CAPS2: variants seen among roughly 807,000 people sequenced by gnomAD.
The protein encoded by CAPS2 is calcyphosine 2.
In CAPS2, 98 loss-of-function variants were observed where a neutral mutation model predicts 86.5. The observed-to-expected ratio is 1.13, with a 90% CI of 0.96 to 1.34. The LOEUF (loss-of-function observed/expected upper bound fraction) is 1.34. CAPS2 is among the 40% of genes most tolerant of loss of function. CAPS2 has a pLI of 0.00. For synonymous variants in CAPS2, 210 were observed against 225.1 expected (o/e 0.93, Z 0.60); for missense variants, 729 against 686.8 (o/e 1.06, Z -0.69).
intron 1 of CAPS2, among the ~76,000 whole-genome samples, chr12:75,377,102 A>G (rs937574331): frequency 5.9e-5 from 9 of 152,330 alleles, no homozygotes; most frequent in Middle Eastern, 6.8e-3. Flanking sequence ...TTTATTTTGC[A>G]TAACTCTTTA....
exon 13 of CAPS2, chr12:75,291,820 T>G (rs1195440885): frequency 6.6e-7 from 1 of 1,517,702 alleles, no homozygotes. Context: ...TAGAAGCAGT[T>G]CTGCAATTGA....
chr12:75,299,305 A>G (rs1284081447), intron 9 of CAPS2, among the ~76,000 whole-genome samples: 1 of 152,216 alleles, frequency 6.6e-6, no homozygotes, highest in East Asian at 1.9e-4. Flanking sequence ...CAAATTTATT[A>G]TCTTTTATTG....
At chr12:75,300,503 C>G (rs1469316147) in intron 8 of CAPS2, among the ~76,000 whole-genome samples, 1 of 140,658 alleles carries the variant, frequency 7.1e-6, no homozygotes, top group Admixed American at 7.9e-5. Context: ...TTGCAGTGAG[C>G]CGAGATCGCG....
intron 1 of CAPS2, among the ~76,000 whole-genome samples, chr12:75,384,534 C>T (rs1238519651): frequency 1.3e-5 from 2 of 152,038 alleles, no homozygotes; most frequent in Non-Finnish European, 1.5e-5. Flanking sequence ...ACAGAAAGCA[C>T]CAGGCCCAGA....
chr12:75,351,244 T>A (rs563034281), intron 1 of CAPS2, among the ~76,000 whole-genome samples: 1 of 152,294 alleles, frequency 6.6e-6, no homozygotes, highest in Non-Finnish European at 1.5e-5. Flanking sequence ...GAGAAAGAAC[T>A]GAGTTGGAAA....
chr12:75,348,899 C>G (rs537262298), intron 1 of CAPS2, among the ~76,000 whole-genome samples: 1 of 152,084 alleles, frequency 6.6e-6, no homozygotes, highest in African/African-American at 2.4e-5. Flanking sequence ...AAAAAGTTAG[C>G]CCTATAATTC....
intron 1 of CAPS2, among the ~76,000 whole-genome samples, chr12:75,340,844 C>T (rs960425655): frequency 2.6e-5 from 4 of 151,162 alleles, no homozygotes; most frequent in African/African-American, 9.7e-5. Flanking sequence ...ACATCATTAG[C>T]CATTAGTGAA....
rs1440438998 is a variant in CAPS2 at position 75,366,769 on chromosome 12, ATG to A, written c.-395+24067_-395+24068del. ...ACCAATGAGTCATTTCCACGCTCTT[ATG>A]TGTCTCAGTTTCTCTCTTCAGAGGT... On this transcript the variant is annotated intron_variant, in intron 1 of 5. Transcript: ENST00000551829. The A allele has an allele frequency of 4.5e-6, 3 of 663,772 alleles. No homozygotes were observed. The African/African-American group carries it at 5.4e-5, about 12-fold the overall frequency. The allele number at this position is 663,772 out of a possible 1,614,324, so 41.1% of individuals were successfully genotyped here.
chr12:75,344,168 T>A (rs191110524), intron 1 of CAPS2, among the ~76,000 whole-genome samples: 12 of 152,216 alleles, frequency 7.9e-5, no homozygotes, highest in African/African-American at 2.9e-4. Context: ...TAAATCAAAT[T>A]TAGAAGAATG....
Position 75,344,584 on chromosome 12 carries a change from C to A in CAPS2, c.-394-21362G>T, listed in dbSNP as rs1036426383. ...ATATTTTCCCTGCTAGCTCTAGTATCTATGTTAGCTCTGTGTTAGTTTCAA... is the reference window on the plus strand; with the variant it reads ...ATATTTTCCCTGCTAGCTCTAGTATATATGTTAGCTCTGTGTTAGTTTCAA... On this transcript the variant is annotated intron_variant, in intron 1 of 5. Transcript: ENST00000551829. 4.6e-5 allele frequency among the ~76,000 whole-genome samples: 7 copies of A among 152,074 alleles called. No individual in the cohort carries two copies. In the East Asian group the frequency reaches 1.3e-3, roughly 29 times the overall value.
At chr12:75,359,357 CTTTTT>C (rs61616225) in intron 1 of CAPS2, among the ~76,000 whole-genome samples, 1 of 28,600 alleles carries the variant, frequency 3.5e-5, no homozygotes, top group East Asian at 8.3e-4. Flanking sequence ...GCATTGTTGT[CTTTTT>C]TTTTTTTTTT....
At chr12:75,349,815 C>G (rs2042686010) in intron 1 of CAPS2, among the ~76,000 whole-genome samples, 1 of 152,044 alleles carries the variant, frequency 6.6e-6, no homozygotes, top group African/African-American at 2.4e-5. Context: ...AAGACCCTAT[C>G]TCTTTAAAAA....
chr12:75,337,977 T>A (rs1407270696), intron 1 of CAPS2, among the ~76,000 whole-genome samples: 1 of 152,118 alleles, frequency 6.6e-6, no homozygotes, highest in Non-Finnish European at 1.5e-5. Flanking sequence ...AATAGTCTTA[T>A]GCCATTACAT....
intron 14 of CAPS2, among the ~76,000 whole-genome samples, chr12:75,287,409 T>C (rs2035084766): frequency 6.6e-6 from 1 of 152,100 alleles, no homozygotes; most frequent in South Asian, 2.1e-4. Context: ...GCCCCCACCA[T>C]GGAGGAAGGA....
intron 7 of CAPS2, among the ~76,000 whole-genome samples, chr12:75,311,700 G>A (rs77940326): frequency 0.09 from 595 of 6,612 alleles, 119 homozygotes; most frequent in East Asian, 0.14. Context: ...AGCCATGCAG[G>A]AAAAAAAAAA....
intron 1 of CAPS2, chr12:75,369,907 A>G: frequency 1.5e-6 from 2 of 1,299,914 alleles, no homozygotes; most frequent in Non-Finnish European, 2.0e-6. Context: ...GCAAAGAAAT[A>G]TGTTTTCTTG....
At chr12:75,378,506 T>C (rs967420384) in intron 1 of CAPS2, among the ~76,000 whole-genome samples, 3 of 151,990 alleles carry the variant, frequency 2.0e-5, no homozygotes, top group South Asian at 2.1e-4. Flanking sequence ...GGCTAACAAG[T>C]GGAAATTTTT....
chr12:75,290,901 G>A (rs1225178356), intron 13 of CAPS2, among the ~76,000 whole-genome samples: 4 of 145,366 alleles, frequency 2.8e-5, no homozygotes, highest in African/African-American at 1.0e-4. Context: ...TCCAGCCCAG[G>A]CAATGGAGCA....
exon 16 of CAPS2, chr12:75,282,283 T>C: frequency 6.2e-7 from 1 of 1,604,604 alleles, no homozygotes; most frequent in Non-Finnish European, 8.5e-7. Context: ...CTTTGCACAG[T>C]AACATTTTCT....
Sources: allele counts gnomAD v4.1 joint callset (sites outside exome capture counted in the v4.1 genomes callset), GRCh38; gene constraint gnomAD v4.1.1; transcripts MANE v1.5; gene names NCBI Gene and HGNC (gene_info 2026-07-23, HGNC 2026-07-21).